Variants in HHAT observed in about 807,000 individuals in gnomAD.
The protein encoded by HHAT is protein-cysteine N-palmitoyltransferase HHAT.
Under a neutral mutation model 70.8 loss-of-function variants are expected in HHAT, and 47 were observed. That is an observed-to-expected ratio of 0.66 (90% confidence interval 0.53 to 0.85). The LOEUF is 0.85. Among genes scored for constraint, HHAT ranks in the 40% least tolerant of loss-of-function variants. HHAT has a pLI of 0.00. For synonymous variants in HHAT, 228 were observed against 247.6 expected, an observed-to-expected ratio of 0.92 and a Z score of 0.74; for missense variants, 609 against 604.8, an observed-to-expected ratio of 1.01 and a Z score of -0.07.
intron 9 of HHAT, among the ~76,000 whole-genome samples, chr1:210,587,378 T>C (rs1362830446): frequency 1.3e-5 from 2 of 152,142 alleles, no homozygotes; most frequent in Non-Finnish European, 2.9e-5. Context: ...GTGAGACTTA[T>C]TCGCTATCAT....
intron 2 of HHAT, among the ~76,000 whole-genome samples, chr1:210,362,016 G>T (rs1417083058): frequency 2.3e-5 from 3 of 130,926 alleles, no homozygotes; most frequent in Non-Finnish European, 5.2e-5. Context: ...ACGCCAGTCT[G>T]GTTCCATTTC....
chr1:210,565,982 A>C (rs61284248), intron 9 of HHAT, among the ~76,000 whole-genome samples: 9,016 of 152,214 alleles, frequency 0.059, 850 homozygotes, highest in African/African-American at 0.2. Context: ...ATAGGGGGTC[A>C]TTCTTGGCCT....
chr1:210,659,057 A>C (rs1434969214), intron 11 of HHAT, among the ~76,000 whole-genome samples: 1 of 139,020 alleles, frequency 7.2e-6, no homozygotes, highest in Non-Finnish European at 1.7e-5. Context: ...CACATTCAAA[A>C]GCTAGCAGAA....
chr1:210,625,022 T>TG (rs1669562732), intron 11 of HHAT, among the ~76,000 whole-genome samples: 1 of 152,210 alleles, frequency 6.6e-6, no homozygotes, highest in Non-Finnish European at 1.5e-5. Flanking sequence ...TATTCCAGAA[T>TG]GGCAGACCAT....
intron 11 of HHAT, among the ~76,000 whole-genome samples, chr1:210,653,168 C>A (rs77062243): frequency 0.043 from 6,474 of 151,802 alleles, 180 homozygotes; most frequent in Non-Finnish European, 0.066. Flanking sequence ...GGACAATTCC[C>A]AAGATATAGA....
At chr1:210,498,937 T>C (rs548303104) in intron 8 of HHAT, among the ~76,000 whole-genome samples, 21 of 152,002 alleles carry the variant, frequency 1.4e-4, no homozygotes, top group Non-Finnish European at 3.1e-4. Flanking sequence ...GCCTGGCTAA[T>C]TTTTGTATTT....
At chr1:210,456,885 C>T (rs1275006116) in intron 7 of HHAT, among the ~76,000 whole-genome samples, 1 of 152,114 alleles carries the variant, frequency 6.6e-6, no homozygotes, top group African/African-American at 2.4e-5. Flanking sequence ...CCTGGTACCT[C>T]TCCCCCACAC....
At chr1:210,572,046 G>T (rs1468758699) in intron 9 of HHAT, among the ~76,000 whole-genome samples, 1 of 152,230 alleles carries the variant, frequency 6.6e-6, no homozygotes, top group Non-Finnish European at 1.5e-5. Context: ...AGCGTGGGAT[G>T]ATGGTCTTGC....
chr1:210,407,586 G>C (rs1393243782), intron 6 of HHAT, among the ~76,000 whole-genome samples: 1 of 152,218 alleles, frequency 6.6e-6, no homozygotes, highest in Non-Finnish European at 1.5e-5. Context: ...GCAATGTAAA[G>C]CATGTGAAAT....
intron 8 of HHAT, among the ~76,000 whole-genome samples, chr1:210,482,489 C>T (rs1019249285): frequency 6.6e-6 from 1 of 152,186 alleles, no homozygotes; most frequent in African/African-American, 2.4e-5. Flanking sequence ...GAAGAATACT[C>T]CCTTCATTGT....
chr1:210,617,710 A>C (rs1470607952), intron 10 of HHAT, among the ~76,000 whole-genome samples: 1 of 152,222 alleles, frequency 6.6e-6, no homozygotes, highest in East Asian at 1.9e-4. Context: ...CATCTAAACT[A>C]TGAGGAAGGT....
At chr1:210,417,606 C>A (rs1250007485) in intron 6 of HHAT, among the ~76,000 whole-genome samples, 1 of 152,172 alleles carries the variant, frequency 6.6e-6, no homozygotes, top group South Asian at 2.1e-4. Context: ...GAGACTTGTT[C>A]CACATACTGT....
At chr1:210,404,739 C>T (rs914606618) in intron 6 of HHAT, 60 bp downstream of exon 6, 54 of 1,348,440 alleles carry the variant, frequency 4.0e-5, no homozygotes, top group African/African-American at 8.7e-5. Flanking sequence ...CGCTGTTGCT[C>T]TGGTCTTCTC....
intron 6 of HHAT, among the ~76,000 whole-genome samples, chr1:210,409,307 T>A (rs560048520): frequency 4.6e-5 from 7 of 152,082 alleles, no homozygotes; most frequent in Admixed American, 1.3e-4. Context: ...TTGCGCTGAC[T>A]TGGTGTGTGA....
chr1:210,508,304 T>A (rs192781567), intron 8 of HHAT, among the ~76,000 whole-genome samples: 3 of 151,650 alleles, frequency 2.0e-5, no homozygotes, highest in Admixed American at 6.6e-5. Context: ...AATGAACTCA[T>A]GATTCTGAAG....
At chr1:210,425,994 T>A (rs571818839) in intron 7 of HHAT, among the ~76,000 whole-genome samples, 32 of 152,332 alleles carry the variant, frequency 2.1e-4, no homozygotes, top group African/African-American at 7.2e-4. Context: ...TTCTTCCATT[T>A]GTTTTGTATC....
chr1:210,413,824 C>T (rs772089529), intron 6 of HHAT, among the ~76,000 whole-genome samples: 10 of 152,338 alleles, frequency 6.6e-5, no homozygotes, highest in South Asian at 2.1e-4. Flanking sequence ...TGCAGCTCTT[C>T]TCCTTTCCTT....
chr1:210,579,717 C>CT (rs1245734045), intron 9 of HHAT, among the ~76,000 whole-genome samples: 1 of 152,164 alleles, frequency 6.6e-6, no homozygotes, highest in East Asian at 1.9e-4. Flanking sequence ...CTCTCAAGCA[C>CT]TGCGCTCTTT....
rs936519208 is a variant in HHAT, at chr1:210,488,144, G to A, written c.1007+23489G>A. Among the ~76,000 whole-genome samples, 5 of 152,132 alleles carry A rather than the reference G, an allele frequency of 3.3e-5. No homozygotes were observed. In the South Asian group the frequency reaches 6.2e-4, roughly 19 times the overall value. On this transcript the variant is annotated intron_variant, in intron 8 of 11. Coordinates refer to ENST00000261458, the MANE Select transcript of HHAT (RefSeq NM_018194.6). ...AGCAATTTTTTTCCCCTCTACACTG[G>A]AGAATTTGATGCACAGCACAGCAAT...
Sources: allele counts gnomAD v4.1 joint callset (sites outside exome capture counted in the v4.1 genomes callset), GRCh38; gene constraint gnomAD v4.1.1; transcripts MANE v1.5; gene names NCBI Gene and HGNC (gene_info 2026-07-23, HGNC 2026-07-21).